STAG1: variants seen among roughly 807,000 people sequenced by gnomAD.
STAG1 encodes STAG1 cohesin complex component.
A neutral mutation model predicts 170.9 loss-of-function variants in STAG1; 26 were observed. That is an observed-to-expected ratio of 0.15 (90% confidence interval 0.11 to 0.21). STAG1 has a LOEUF of 0.21. Among genes scored for constraint, STAG1 ranks in the 10% least tolerant of loss-of-function variants. The pLI is 1.00. For missense variants in STAG1, 964 were observed against 1,509.5 expected (o/e 0.64, Z 5.99); for synonymous variants, 514 against 497.7 (o/e 1.03, Z -0.44).
At chr3:136,580,821 C>T (rs946697516) in intron 4 of STAG1, among the ~76,000 whole-genome samples, 4 of 151,896 alleles carry the variant, frequency 2.6e-5, no homozygotes, top group Admixed American at 6.6e-5. Flanking sequence ...GCGTGAGCCA[C>T]CGCACCCGGC....
chr3:136,461,259 T>C (rs2089265212), intron 13 of STAG1, among the ~76,000 whole-genome samples: 1 of 152,142 alleles, frequency 6.6e-6, no homozygotes, highest in Non-Finnish European at 1.5e-5. Context: ...GCCTTTCCCA[T>C]AAGAACTCAA....
Position 136,343,834 on chromosome 3 carries a change from G to A in STAG1, c.3444C>T (p.His1148=). ...SEHGSEPDFL[H]NPQMQISWLG... is the part of the protein sequence containing the mutation. ...AAAGACAAATTTTTGCTACTTACTT[G>A]TGTAAAAAGTCTGGTTCAGAACCAT... Residue 1148 remains histidine, a splice_region_variant and synonymous_variant, in exon 30 of 34, where the codon CAC becomes CAT. Transcript: ENST00000383202. 1.3e-6 allele frequency: 2 copies of A among 1,534,520 alleles called. No homozygotes were observed. The highest frequency in any genetic ancestry group is 1.8e-6 in the Non-Finnish European group (2 of 1,142,094).
intron 10 of STAG1, among the ~76,000 whole-genome samples, chr3:136,474,972 G>A (rs2089710387): frequency 6.6e-6 from 1 of 152,004 alleles, no homozygotes; most frequent in African/African-American, 2.4e-5. Context: ...AGATACAGGG[G>A]TGAAACAGCC....
At chr3:136,730,740 A>G (rs981494828) in intron 1 of STAG1, among the ~76,000 whole-genome samples, 2 of 152,212 alleles carry the variant, frequency 1.3e-5, no homozygotes, top group African/African-American at 4.8e-5. Context: ...ACAAAGTTCA[A>G]ACACTTTCCT....
At chr3:136,700,873 TTTC>T (rs1943035389) in intron 1 of STAG1, among the ~76,000 whole-genome samples, 1 of 145,768 alleles carries the variant, frequency 6.9e-6, no homozygotes, top group South Asian at 2.2e-4. Context: ...CTCTATTTTT[TTTC>T]TTTTTTTTTT....
At chr3:136,598,190 T>C (rs532511285) in intron 4 of STAG1, among the ~76,000 whole-genome samples, 2 of 152,154 alleles carry the variant, frequency 1.3e-5, no homozygotes, top group Non-Finnish European at 2.9e-5. Context: ...TAGTTGACCT[T>C]CTTTAACCTT....
At position 136,653,353 on chromosome 3, in the gene STAG1, T is replaced by C. The variant is rs143382427; in HGVS notation, c.-83-22372A>G. On this transcript the variant is annotated intron_variant, in intron 1 of 33. Transcript: ENST00000383202. The stretch of plus-strand genomic sequence containing the variant: ...CTATGCAGGAAAAAAGGAAATTTGA[T>C]TGTATTAAAATACGTTAAAAGTTTT... Among the ~76,000 whole-genome samples the C allele has an allele frequency of 9.7e-4, 147 of 152,240 alleles. 1 individual carries two copies. Among genetic ancestry groups the C allele is most frequent in the African/African-American group, 3.5e-3 (144 of 41,568 alleles).
chr3:136,438,135 T>C, intron 15 of STAG1, among the ~76,000 whole-genome samples: 1 of 152,192 alleles, frequency 6.6e-6, no homozygotes, highest in East Asian at 1.9e-4. Context: ...TCCTAGAACA[T>C]AACATCATTC....
intron 1 of STAG1, among the ~76,000 whole-genome samples, chr3:136,643,424 T>C (rs1940877084): frequency 6.6e-6 from 1 of 152,244 alleles, no homozygotes; most frequent in South Asian, 2.1e-4. Flanking sequence ...GATGGTCTTA[T>C]ATTTCTAAGG....
At chr3:136,736,235 A>C (rs1489242890) in intron 1 of STAG1, among the ~76,000 whole-genome samples, 1 of 152,238 alleles carries the variant, frequency 6.6e-6, no homozygotes, top group Admixed American at 6.5e-5. Flanking sequence ...CTGTGGGAAG[A>C]GAAGGCAGCA....
chr3:136,723,820 CGGG>C (rs1236007545), intron 1 of STAG1, among the ~76,000 whole-genome samples: 3 of 142,422 alleles, frequency 2.1e-5, no homozygotes, highest in South Asian at 2.3e-4. Context: ...CCGCCCCGTC[CGGG>C]AGGGAGGTGG....
chr3:136,694,148 T>C (rs996071518), intron 1 of STAG1, among the ~76,000 whole-genome samples: 3 of 152,206 alleles, frequency 2.0e-5, no homozygotes, highest in African/African-American at 7.2e-5. Context: ...TTCCAATCAA[T>C]GGCTTTAGGA....
intron 1 of STAG1, among the ~76,000 whole-genome samples, chr3:136,729,973 C>T (rs1933920628): frequency 6.7e-6 from 1 of 150,080 alleles, no homozygotes; most frequent in Non-Finnish European, 1.5e-5. Flanking sequence ...ACTGCAACCT[C>T]CGCCTCCCAG....
rs1936106876 is a variant in STAG1, at chr3:136,343,903, G to A, written c.3375C>T (p.Asn1125=). 2 of 1,610,432 alleles carry A rather than the reference G, an allele frequency of 1.2e-6. No homozygotes were observed. Among genetic ancestry groups the A allele is most frequent in the African/African-American group, 1.3e-5 (1 of 74,706 alleles). ...GAATCTGGTCTCCCATGGGCCGACT[G>A]TTCTCCCGCAGTACAGTGGATGTGA... ...PQLTSTVLRE[N]SRPMGDQIQE... is the part of the protein sequence containing the mutation. The change falls in exon 30 of 34, where the codon AAC becomes AAT. Residue 1125 remains asparagine, a synonymous_variant. Coordinates refer to ENST00000383202, the MANE Select transcript of STAG1 (RefSeq NM_005862.3).
intron 3 of STAG1, among the ~76,000 whole-genome samples, chr3:136,613,313 C>CAGAAA (rs1939399386): frequency 1.7e-5 from 1 of 59,762 alleles, no homozygotes; most frequent in Non-Finnish European, 2.8e-5. Context: ...GACTCCGTCT[C>CAGAAA]AAAAAAAAAA....
intron 1 of STAG1, among the ~76,000 whole-genome samples, chr3:136,641,286 G>T (rs879681408): frequency 6.6e-6 from 1 of 152,160 alleles, no homozygotes; most frequent in Non-Finnish European, 1.5e-5. Context: ...CAAAAGTACA[G>T]TAACTCCAGG....
At chr3:136,630,771 TA>T (rs1338029011) in intron 2 of STAG1, 98 bp downstream of exon 2, 2 of 857,158 alleles carry the variant, frequency 2.3e-6, no homozygotes, top group African/African-American at 3.4e-5. Context: ...TCAAAGAACA[TA>T]TTTGAAATGT....
chr3:136,347,209 A>T (rs517319), intron 29 of STAG1, among the ~76,000 whole-genome samples: 52,018 of 151,280 alleles, frequency 0.34, 10,798 homozygotes, highest in East Asian at 0.8. Flanking sequence ...CAGCCTGGCC[A>T]ACATGGTGAA....
chr3:136,706,239 C>T (rs1943224888), intron 1 of STAG1, among the ~76,000 whole-genome samples: 1 of 152,152 alleles, frequency 6.6e-6, no homozygotes, highest in Non-Finnish European at 1.5e-5. Context: ...TTCAACACTG[C>T]TAGCCAGGCA....
Sources: allele counts gnomAD v4.1 joint callset (sites outside exome capture counted in the v4.1 genomes callset), GRCh38; gene constraint gnomAD v4.1.1; transcripts MANE v1.5; gene names NCBI Gene and HGNC (gene_info 2026-07-23, HGNC 2026-07-21).